The following KCNH5 variants were observed in gnomAD, a reference collection of about 807,000 sequenced individuals.
KCNH5 encodes voltage-gated delayed rectifier potassium channel KCNH5.
KCNH5 carries 46 observed loss-of-function variants against 96.1 expected under a neutral mutation model. The ratio of observed to expected loss-of-function variants is 0.48; its 90% CI spans 0.38 to 0.61. The LOEUF (loss-of-function observed/expected upper bound fraction) is 0.61, where lower values mean the gene tolerates loss of function less well. Ranked by LOEUF, KCNH5 falls within the 20% of genes least tolerant of loss-of-function variation. The pLI, the probability that KCNH5 is intolerant of heterozygous loss-of-function variation, is 0.00. For synonymous variants in KCNH5, 439 were observed against 449.8 expected, an observed-to-expected ratio of 0.98 and a Z score of 0.30; for missense variants, 907 against 1,225.8, an observed-to-expected ratio of 0.74 and a Z score of 3.88.
chr14:62,999,838 A>G (rs1277251252), intron 4 of KCNH5, among the ~76,000 whole-genome samples: 1 of 151,078 alleles, frequency 6.6e-6, no homozygotes. Context: ...CATTGTGCAC[A>G]TGTACCCTAA....
intron 7 of KCNH5, among the ~76,000 whole-genome samples, chr14:62,915,060 A>G (rs1025309756): frequency 6.6e-6 from 1 of 152,242 alleles, no homozygotes; most frequent in African/African-American, 2.4e-5. Context: ...CCAATGCACC[A>G]CAGGTGTGAA....
chr14:63,042,660 C>A (rs1007564144), intron 1 of KCNH5, among the ~76,000 whole-genome samples: 1 of 152,072 alleles, frequency 6.6e-6, no homozygotes, highest in Non-Finnish European at 1.5e-5. Flanking sequence ...CTGTGAGAAT[C>A]CTGAAGGGAA....
At chr14:62,835,669 A>AT (rs1035476589) in intron 8 of KCNH5, among the ~76,000 whole-genome samples, 3 of 151,806 alleles carry the variant, frequency 2.0e-5, no homozygotes, top group African/African-American at 4.8e-5. Flanking sequence ...TAACATTCAC[A>AT]TTTTTTTTAT....
intron 7 of KCNH5, among the ~76,000 whole-genome samples, chr14:62,938,229 C>T (rs1889722205): frequency 6.6e-6 from 1 of 152,098 alleles, no homozygotes; most frequent in Non-Finnish European, 1.5e-5. Context: ...ACAGAGCCAG[C>T]TTCAAAGGGA....
rs775299458 is a variant in KCNH5, at chr14:62,699,509, C to T, written c.*7999G>A. On this transcript the variant is annotated 3_prime_UTR_variant, in exon 11 of 11. Transcript: ENST00000322893. ...ATTCTGTATCATGAAAAAATATCCA[C>T]ATTTAAATAAAGTGTGAAAAAAAGC... The T allele has an allele frequency of 8.5e-5, 13 of 152,236 alleles. No individual in the cohort carries two copies. Among genetic ancestry groups the T allele is most frequent in the African/African-American group, 3.1e-4 (13 of 41,556 alleles). The allele number at this position is 152,236 out of a possible 1,614,324, so 9.4% of individuals were successfully genotyped here.
At chr14:62,875,383 A>C (rs1888350268) in intron 7 of KCNH5, among the ~76,000 whole-genome samples, 1 of 152,176 alleles carries the variant, frequency 6.6e-6, no homozygotes, top group African/African-American at 2.4e-5. Context: ...CGCATCGCCA[A>C]GTCAATCCTA....
At chr14:62,877,550 T>G (rs538945023) in intron 7 of KCNH5, among the ~76,000 whole-genome samples, 4 of 152,252 alleles carry the variant, frequency 2.6e-5, no homozygotes, top group Non-Finnish European at 4.4e-5. Flanking sequence ...GAACAGACAT[T>G]TCTCAAAACA....
intron 10 of KCNH5, among the ~76,000 whole-genome samples, chr14:62,731,199 G>A (rs1885042126): frequency 6.6e-6 from 1 of 152,034 alleles, no homozygotes; most frequent in South Asian, 2.1e-4. Context: ...TACTTGGGAG[G>A]CTGAAGCTGG....
chr14:62,870,245 C>A (rs1402831603), intron 7 of KCNH5, among the ~76,000 whole-genome samples: 1 of 152,156 alleles, frequency 6.6e-6, no homozygotes, highest in Admixed American at 6.5e-5. Context: ...GGAAACACTT[C>A]TGTAAATATT....
intron 10 of KCNH5, chr14:62,712,484 G>C (rs1401404178): frequency 1.6e-6 from 1 of 607,590 alleles, no homozygotes; most frequent in Non-Finnish European, 3.0e-6. Context: ...GGCATAAAGA[G>C]TTTAAGTGGT....
At chr14:62,931,156 C>G (rs1002555333) in intron 7 of KCNH5, among the ~76,000 whole-genome samples, 1 of 152,058 alleles carries the variant, frequency 6.6e-6, no homozygotes, top group East Asian at 1.9e-4. Context: ...CCATGCAGAA[C>G]AGCTGGGAAG....
intron 4 of KCNH5, among the ~76,000 whole-genome samples, chr14:62,991,283 T>A (rs768227025): frequency 6.6e-6 from 1 of 151,990 alleles, no homozygotes; most frequent in Admixed American, 6.6e-5. Context: ...ATAGCTTATA[T>A]GAAGGAAGTC....
At chr14:62,949,254 G>C (rs1270032) in intron 7 of KCNH5, among the ~76,000 whole-genome samples, 44,849 of 151,856 alleles carry the variant, frequency 0.3, 7,642 homozygotes, top group Non-Finnish European at 0.39. Flanking sequence ...TGTATATCTA[G>C]AAAACCCCAT....
intron 10 of KCNH5, among the ~76,000 whole-genome samples, chr14:62,776,418 C>G (rs1886097315): frequency 1.3e-5 from 2 of 152,066 alleles, no homozygotes; most frequent in African/African-American, 4.8e-5. Flanking sequence ...TATTTGCAAG[C>G]CAGGAAAAGA....
intron 7 of KCNH5, among the ~76,000 whole-genome samples, chr14:62,928,524 A>G (rs1889518541): frequency 6.6e-6 from 1 of 152,112 alleles, no homozygotes; most frequent in Non-Finnish European, 1.5e-5. Flanking sequence ...CAACAATCCT[A>G]TAAGATACGT....
At chr14:63,035,823 A>C (rs1464011092) in intron 1 of KCNH5, among the ~76,000 whole-genome samples, 1 of 152,178 alleles carries the variant, frequency 6.6e-6, no homozygotes, top group Non-Finnish European at 1.5e-5. Context: ...TACCTTATCT[A>C]GAGTAAGTCC....
intron 7 of KCNH5, among the ~76,000 whole-genome samples, chr14:62,863,144 G>C (rs1316319953): frequency 2.0e-5 from 3 of 152,124 alleles, no homozygotes; most frequent in African/African-American, 7.2e-5. Flanking sequence ...TCTTTAACGT[G>C]TGTTGACATA....
chr14:62,867,423 G>T (rs1662996312), intron 7 of KCNH5, among the ~76,000 whole-genome samples: 1 of 151,974 alleles, frequency 6.6e-6, no homozygotes, highest in South Asian at 2.1e-4. Context: ...TCAACCACTG[G>T]CTTCTTATAC....
At chr14:62,989,662 G>A (rs1188761964) in intron 4 of KCNH5, among the ~76,000 whole-genome samples, 4 of 152,014 alleles carry the variant, frequency 2.6e-5, no homozygotes, top group African/African-American at 9.7e-5. Flanking sequence ...CAACACTGAT[G>A]TAATTGTTGA....
Sources: allele counts gnomAD v4.1 joint callset (sites outside exome capture counted in the v4.1 genomes callset), GRCh38; gene constraint gnomAD v4.1.1; transcripts MANE v1.5; gene names NCBI Gene and HGNC (gene_info 2026-07-23, HGNC 2026-07-21).